Variants in LRRC8A observed in about 807,000 individuals in gnomAD.
The protein encoded by LRRC8A is volume-regulated anion channel subunit LRRC8A.
In LRRC8A, 24 loss-of-function variants were observed where a neutral mutation model predicts 52.5. That is an observed-to-expected ratio of 0.46 (90% CI 0.33 to 0.64). The LOEUF is 0.64. LRRC8A is among the 30% of genes least tolerant of loss of function. The pLI, the probability that LRRC8A is intolerant of heterozygous loss-of-function variation, is 0.02. For missense variants in LRRC8A, 677 were observed against 1,094.7 expected (o/e 0.62, Z 5.38); for synonymous variants, 492 against 494.2 (o/e 1.00, Z 0.06).
intron 1 of LRRC8A, among the ~76,000 whole-genome samples, chr9:128,883,637 G>A (rs1263030131): frequency 6.6e-6 from 1 of 152,194 alleles, no homozygotes; most frequent in Admixed American, 6.5e-5. Context: ...GCTTTGGCAT[G>A]GGGTCTGATG....
chr9:128,890,130 T>TTGTGTGTG (rs57721007), intron 2 of LRRC8A, among the ~76,000 whole-genome samples: 15,796 of 128,092 alleles, frequency 0.12, 1,095 homozygotes, highest in East Asian at 0.17. Flanking sequence ...TGGCTTCATT[T>TTGTGTGTG]TGTGTGTGTG....
intron 2 of LRRC8A, among the ~76,000 whole-genome samples, chr9:128,887,844 C>T (rs1031235873): frequency 1.1e-4 from 16 of 151,872 alleles, no homozygotes; most frequent in African/African-American, 3.4e-4. Flanking sequence ...GGGGTTTCAC[C>T]ATGTTAGCCA....
chr9:128,887,076 C>T (rs982317586), intron 2 of LRRC8A, among the ~76,000 whole-genome samples: 2 of 152,118 alleles, frequency 1.3e-5, no homozygotes, highest in Non-Finnish European at 2.9e-5. Context: ...GCCTGAGTCT[C>T]CCAGCCTGGA....
chr9:128,916,562 C>T lies in LRRC8A; in HGVS notation c.*191C>T, dbSNP rs1840832047. The T allele has an allele frequency of 1.4e-6, 1 of 689,938 alleles. No individual in the cohort carries two copies. Among genetic ancestry groups the T allele is most frequent in the Admixed American group, 3.0e-5 (1 of 33,762 alleles). 42.7% of individuals were successfully genotyped at this position (689,938 alleles called of 1,614,324 possible). A position where few individuals can be genotyped will look rare whatever the true frequency, so the allele number is the denominator to read the frequency against. ...TGTGGGGCTGGCCCCTTTTCTCCCT[C>T]TGAGACTCACGTCCCCCAGGGCAAG... is the stretch of plus-strand genomic sequence containing the variant. On this transcript the variant is annotated 3_prime_UTR_variant, in exon 4 of 4. Transcript: ENST00000372600. The surrounding 1 kb of genome is among the most constrained non-coding windows in gnomAD (Gnocchi z 6.1).
chr9:128,897,584 G>T (rs942498078), intron 2 of LRRC8A, among the ~76,000 whole-genome samples: 2 of 151,560 alleles, frequency 1.3e-5, no homozygotes, highest in Admixed American at 6.6e-5. Flanking sequence ...TATTCTTGTT[G>T]CCCAGGCTGG....
At chr9:128,903,719 G>A (rs546459680) in intron 2 of LRRC8A, among the ~76,000 whole-genome samples, 2 of 151,362 alleles carry the variant, frequency 1.3e-5, no homozygotes, top group South Asian at 4.2e-4. Flanking sequence ...GGCCCGAGAA[G>A]TGCTGTTCTT....
intron 2 of LRRC8A, among the ~76,000 whole-genome samples, chr9:128,894,248 C>T (rs1486874787): frequency 6.6e-6 from 1 of 151,800 alleles, no homozygotes; most frequent in African/African-American, 2.4e-5. Context: ...CTTTGGGAGG[C>T]TGAGGCAGGC....
rs1376989121 is a variant in LRRC8A, at chr9:128,892,483, C to G, written c.-9+6362C>G. On this transcript the variant is annotated intron_variant, in intron 2 of 3. Transcript: ENST00000372600. The surrounding 1 kb of genome is among the most constrained non-coding windows in gnomAD (Gnocchi z 5.2). ...TGGAACTGACCCGTGCTCCCCTCCCCCTCCAGCCCTGGCGTCTCCCCTCTT... is the reference window on the plus strand; with the variant it reads ...TGGAACTGACCCGTGCTCCCCTCCCGCTCCAGCCCTGGCGTCTCCCCTCTT... Among the ~76,000 whole-genome samples the G allele has an allele frequency of 6.6e-6, 1 of 152,166 alleles. No homozygotes were observed. Among genetic ancestry groups the G allele is most frequent in the South Asian group, 2.1e-4 (1 of 4,836 alleles).
chr9:128,906,454 C>G (rs1840255405), intron 2 of LRRC8A, among the ~76,000 whole-genome samples: 1 of 149,950 alleles, frequency 6.7e-6, no homozygotes, highest in Admixed American at 6.7e-5. Flanking sequence ...TCCCGAATAG[C>G]TGGGATTACA....
At chr9:128,885,387 A>T (rs953229330) in intron 1 of LRRC8A, 1 of 152,150 alleles carries the variant, frequency 6.6e-6, no homozygotes, top group African/African-American at 2.4e-5. Context: ...TCTCTCCTCC[A>T]GGTAAACATG....
intron 2 of LRRC8A, among the ~76,000 whole-genome samples, chr9:128,896,675 G>A (rs1178363157): frequency 1.3e-5 from 2 of 152,010 alleles, no homozygotes; most frequent in East Asian, 3.8e-4. Context: ...TATTTATGCA[G>A]GATTTCTGTA....
intron 2 of LRRC8A, among the ~76,000 whole-genome samples, chr9:128,903,630 G>T (rs191073806): frequency 0.019 from 2,862 of 151,798 alleles, 37 homozygotes; most frequent in Non-Finnish European, 0.028. Context: ...AGCCAGGATG[G>T]TCTCGATCTC....
chr9:128,885,779 C>T (rs781686534), intron 1 of LRRC8A, among the ~76,000 whole-genome samples: 10 of 152,180 alleles, frequency 6.6e-5, no homozygotes, highest in Non-Finnish European at 8.8e-5. Context: ...CTTGGTGGTG[C>T]GCACCTGAAA....
intron 3 of LRRC8A, among the ~76,000 whole-genome samples, chr9:128,915,621 G>A (rs946428062): frequency 6.6e-6 from 1 of 152,210 alleles, no homozygotes; most frequent in African/African-American, 2.4e-5. Flanking sequence ...CACCGCACCC[G>A]GCCTAGGGGG....
At chr9:128,882,630 C>G (rs1421352991) in intron 1 of LRRC8A, 3 of 398,814 alleles carry the variant, frequency 7.5e-6, no homozygotes, top group African/African-American at 4.1e-5. Flanking sequence ...TGGGCTCTCT[C>G]CTTGCCATTT....
chr9:128,912,276 C>T (rs1338228025), intron 3 of LRRC8A, among the ~76,000 whole-genome samples: 1 of 152,126 alleles, frequency 6.6e-6, no homozygotes, highest in Non-Finnish European at 1.5e-5. Flanking sequence ...AGCAAGGCGC[C>T]GGGGACATGG....
Position 128,892,351 on chromosome 9 carries a change from G to A in LRRC8A, c.-9+6230G>A, listed in dbSNP as rs1324416790. On this transcript the variant is annotated intron_variant, in intron 2 of 3. Transcript: ENST00000372600. This position sits in a 1 kb window ranked among gnomAD's most constrained non-coding sequence, Gnocchi z 5.2. ...TCCGGAGCTGCTGGGGGAAGCCCAG[G>A]TGGGTGTCCCTCACCTGTTGCCTTT... Among the ~76,000 whole-genome samples the A allele has an allele frequency of 6.6e-6, 1 of 152,180 alleles. No homozygotes were observed. Among genetic ancestry groups the A allele is most frequent in the Non-Finnish European group, 1.5e-5 (1 of 68,014 alleles).
At position 128,907,457 on chromosome 9, in the gene LRRC8A, A is replaced by C; in HGVS notation, c.293A>C (p.Lys98Thr). 6.2e-7 allele frequency: 1 copy of C among 1,613,952 alleles called. No individual in the cohort carries two copies. Among genetic ancestry groups the C allele is most frequent in the Middle Eastern group, 1.6e-4 (1 of 6,062 alleles). The change falls in exon 3 of 4, where the codon AAG becomes ACG. Residue 98 changes from lysine to threonine, a missense_variant. By Grantham distance (78) the Lys-to-Thr change is moderately conservative. Around this residue, in one of 4 missense-constraint regions of LRRC8A, gnomAD observed 54 missense variants for 49.7 expected, o/e 1.09. Transcript: ENST00000372600. The surrounding 1 kb of genome is among the most constrained non-coding windows in gnomAD (Gnocchi z 9.3). ...PTPDTGPTGI[K>T]YDLDRHQYNY... ...CCTGACACGGGCCCCACAGGCATCA[A>C]GTATGACCTGGACCGGCACCAGTAC...
intron 2 of LRRC8A, among the ~76,000 whole-genome samples, chr9:128,886,393 C>G (rs1024426111): frequency 1.4e-4 from 21 of 152,210 alleles, no homozygotes; most frequent in African/African-American, 4.8e-4. Context: ...CTGGGTCTTG[C>G]TAATGCAGCC....
Sources: gnomAD v4.1 joint callset for allele counts (sites outside exome capture counted in the v4.1 genomes callset) on GRCh38, gnomAD v4.1.1 for gene constraint, gnomAD v4.1.1 regional missense constraint, Gnocchi (gnomAD v3.1) non-coding constraint, MANE v1.5 for transcripts, NCBI Gene and HGNC (gene_info 2026-07-23, HGNC 2026-07-21) for gene names.